NELL2: variants seen among roughly 807,000 people sequenced by gnomAD.
The protein encoded by NELL2 is protein kinase C-binding protein NELL2.
In NELL2, 41 loss-of-function variants were observed where a neutral mutation model predicts 109.6. That is an observed-to-expected ratio of 0.37 (90% CI 0.29 to 0.49). The LOEUF (loss-of-function observed/expected upper bound fraction) is 0.49, where lower values mean the gene tolerates loss of function less well. NELL2 is among the 20% of genes least tolerant of loss of function. The pLI, the probability that NELL2 is intolerant of heterozygous loss-of-function variation, is 0.98. For missense variants in NELL2, 900 were observed against 1,008.3 expected, an observed-to-expected ratio of 0.89 and a Z score of 1.45; for synonymous variants, 355 against 344.7, an observed-to-expected ratio of 1.03 and a Z score of -0.33.
Position 44,508,820 on chromosome 12 carries a change from TA to T in NELL2, c.*113del. 1.2e-6 allele frequency: 1 copy of T among 843,928 alleles called. No homozygotes were observed. 52.3% of individuals were successfully genotyped at this position (843,928 alleles called of 1,614,324 possible). On this transcript the variant is annotated 3_prime_UTR_variant, in exon 20 of 20. Transcript: ENST00000429094. ...CATAATTGAAAGTTCACTCAGCTAT[TA>T]ACAAAGCTGCATTTAGCTGCCCACA... is the stretch of plus-strand genomic sequence containing the variant.
chr12:44,753,013 C>A (rs1237195713), intron 9 of NELL2, among the ~76,000 whole-genome samples: 1 of 152,164 alleles, frequency 6.6e-6, no homozygotes, highest in African/African-American at 2.4e-5. Flanking sequence ...CCCTTGGACG[C>A]TGCAACCCTG....
intron 15 of NELL2, among the ~76,000 whole-genome samples, chr12:44,552,363 T>C (rs748538398): frequency 5.9e-5 from 9 of 152,130 alleles, no homozygotes; most frequent in Non-Finnish European, 1.3e-4. Context: ...CCTATAATCA[T>C]CTTTTAGAAG....
chr12:44,743,079 C>T (rs1331633578), intron 9 of NELL2, among the ~76,000 whole-genome samples: 1 of 152,164 alleles, frequency 6.6e-6, no homozygotes, highest in Non-Finnish European at 1.5e-5. Context: ...CAAAGGGAAG[C>T]ACATCAGACT....
At chr12:44,538,770 C>G (rs912054357) in intron 15 of NELL2, among the ~76,000 whole-genome samples, 1 of 152,154 alleles carries the variant, frequency 6.6e-6, no homozygotes, top group Non-Finnish European at 1.5e-5. Context: ...CAATGTACAA[C>G]TCCCTCTCAT....
chr12:44,521,357 C>T (rs1025336146), intron 18 of NELL2, among the ~76,000 whole-genome samples: 5 of 151,638 alleles, frequency 3.3e-5, no homozygotes, highest in African/African-American at 9.7e-5. Context: ...GGTGAAACCC[C>T]GTCTCTACTA....
chr12:44,693,880 G>A (rs1948976669), intron 12 of NELL2, among the ~76,000 whole-genome samples: 1 of 152,160 alleles, frequency 6.6e-6, no homozygotes, highest in Admixed American at 6.5e-5. Context: ...TTACACAGAT[G>A]TTCCTCAAAG....
upstream of NELL2, chr12:44,876,958 G>C (rs1046605213): frequency 7.2e-5 from 82 of 1,131,886 alleles, no homozygotes; most frequent in Admixed American, 1.5e-4. Context: ...AGAGCTTCCC[G>C]GGCGCGGAGA....
chr12:44,552,989 A>C (rs1363412905), intron 15 of NELL2, among the ~76,000 whole-genome samples: 3 of 151,890 alleles, frequency 2.0e-5, no homozygotes, highest in Non-Finnish European at 4.4e-5. Flanking sequence ...ATTTCCTAGA[A>C]ACCATCATTC....
intron 1 of NELL2, among the ~76,000 whole-genome samples, chr12:44,911,258 G>T (rs555233951): frequency 6.6e-6 from 1 of 152,120 alleles, no homozygotes; most frequent in African/African-American, 2.4e-5. Flanking sequence ...TTTAACTATT[G>T]TAAGTCAACA....
intron 15 of NELL2, among the ~76,000 whole-genome samples, chr12:44,571,385 C>T (rs115019062): frequency 0.015 from 2,244 of 152,288 alleles, 44 homozygotes; most frequent in African/African-American, 0.051. Flanking sequence ...ACTGTCTCAG[C>T]TCTCAGGTCT....
intron 15 of NELL2, among the ~76,000 whole-genome samples, chr12:44,545,600 C>T (rs1479075612): frequency 6.6e-6 from 1 of 151,988 alleles, no homozygotes; most frequent in Non-Finnish European, 1.5e-5. Context: ...AAGCTCAGTT[C>T]AGTAAAAGTT....
chr12:44,674,840 T>C (rs1433389472), intron 12 of NELL2, among the ~76,000 whole-genome samples: 1 of 152,206 alleles, frequency 6.6e-6, no homozygotes, highest in Non-Finnish European at 1.5e-5. Flanking sequence ...TCCAAATTTC[T>C]TCATATGGTA....
At chr12:44,594,872 G>C (rs1944897911) in intron 15 of NELL2, among the ~76,000 whole-genome samples, 2 of 152,066 alleles carry the variant, frequency 1.3e-5, no homozygotes, top group African/African-American at 4.8e-5. Context: ...CAGTGTAAAA[G>C]AGATTCAGTA....
In NELL2 at chr12:44,660,329, G is replaced by A. The variant is rs760685289; in HGVS notation, c.1444+5155C>T. 3.5e-4 allele frequency among the ~76,000 whole-genome samples: 54 copies of A among 152,296 alleles called. 1 individual carries two copies. Among genetic ancestry groups the A allele is most frequent in the Admixed American group, 2.8e-3 (43 of 15,296 alleles). ...TCTTTTTGGAGGATGAGGACCTAGC[G>A]TCCTGTGCCAGATATCTTGTAAAGG... On this transcript the variant is annotated intron_variant, in intron 13 of 19. Coordinates refer to ENST00000429094, the MANE Select transcript of NELL2 (RefSeq NM_001145108.2).
At chr12:44,693,355 T>C (rs1404476137) in intron 12 of NELL2, among the ~76,000 whole-genome samples, 2 of 152,338 alleles carry the variant, frequency 1.3e-5, no homozygotes, top group East Asian at 3.9e-4. Context: ...ATATAACTTT[T>C]ATATGCACTG....
intron 13 of NELL2, among the ~76,000 whole-genome samples, chr12:44,637,374 A>C (rs183477894): frequency 2.1e-4 from 31 of 150,650 alleles, no homozygotes; most frequent in African/African-American, 7.1e-4. Flanking sequence ...ACTATGCTAC[A>C]CGTTGGTTAC....
At chr12:44,607,342 T>G in intron 14 of NELL2, 78 bp from the exon 15 acceptor site, 1 of 1,131,960 alleles carries the variant, frequency 8.8e-7, no homozygotes, top group Non-Finnish European at 1.3e-6. Flanking sequence ...CTTTTCATTA[T>G]CCCCTTGGAG....
Position 44,888,127 on chromosome 12 carries a change from T to C in NELL2, c.39-12227A>G, listed in dbSNP as rs978058923. On this transcript the variant is annotated intron_variant, in intron 1 of 20. Coordinates refer to the NELL2 transcript ENST00000333837. ...CCATTGTATGTTCTTGGCACCTTTG[T>C]TGAAGATGAATTGGCTCAAAATGTG... 5.3e-5 allele frequency among the ~76,000 whole-genome samples: 8 copies of C among 152,028 alleles called. 1 individual carries two copies. Among genetic ancestry groups the C allele is most frequent in the South Asian group, 2.1e-4 (1 of 4,832 alleles).
chr12:44,522,211 C>T (rs1195710698), intron 17 of NELL2, 35 bp from the exon 18 acceptor site: 3 of 1,600,290 alleles, frequency 1.9e-6, no homozygotes, highest in Admixed American at 3.4e-5. Flanking sequence ...TTACCAAAAA[C>T]CTCCATTTCT....
Sources: gnomAD v4.1 joint callset for allele counts (sites outside exome capture counted in the v4.1 genomes callset) on GRCh38, gnomAD v4.1.1 for gene constraint, MANE v1.5 for transcripts, NCBI Gene and HGNC (gene_info 2026-07-23, HGNC 2026-07-21) for gene names.